Variants in AP3B1 observed in about 807,000 individuals in gnomAD.
AP3B1 encodes adaptor related protein complex 3 subunit beta 1, also known as AP-3 complex subunit beta-1.
A neutral mutation model predicts 132.5 loss-of-function variants in AP3B1; 61 were observed. The ratio of observed to expected loss-of-function variants is 0.46; its 90% CI spans 0.37 to 0.57. The LOEUF (loss-of-function observed/expected upper bound fraction) is 0.57, where lower values mean the gene tolerates loss of function less well. Among genes scored for constraint, AP3B1 ranks in the 20% least tolerant of loss-of-function variants. The probability of loss-of-function intolerance (pLI) is 0.00; values close to 1 mark genes in which losing one functional copy is unlikely to be tolerated. For missense variants in AP3B1, 1,120 were observed against 1,289.4 expected, an observed-to-expected ratio of 0.87 and a Z score of 2.01; for synonymous variants, 388 against 438.3, an observed-to-expected ratio of 0.89 and a Z score of 1.43.
intron 1 of AP3B1, among the ~76,000 whole-genome samples, chr5:78,277,464 T>TA (rs968774597): frequency 6.6e-6 from 1 of 151,786 alleles, no homozygotes; most frequent in Non-Finnish European, 1.5e-5. Context: ...AACAAAAACA[T>TA]AAAGAAAGAT....
At chr5:78,215,846 T>A (rs1436390129) in intron 7 of AP3B1, among the ~76,000 whole-genome samples, 1 of 152,216 alleles carries the variant, frequency 6.6e-6, no homozygotes, top group Non-Finnish European at 1.5e-5. Context: ...CTTACACCAA[T>A]AAATATGTAT....
intron 14 of AP3B1, among the ~76,000 whole-genome samples, chr5:78,150,901 T>C (rs72776445): frequency 0.18 from 27,370 of 152,008 alleles, 2,779 homozygotes; most frequent in Admixed American, 0.27. Context: ...GGTAAACATA[T>C]AATTTTATTT....
At chr5:78,065,029 T>C (rs1219807816) in intron 22 of AP3B1, among the ~76,000 whole-genome samples, 1 of 151,940 alleles carries the variant, frequency 6.6e-6, no homozygotes, top group Non-Finnish European at 1.5e-5. Flanking sequence ...GACTAGGTGG[T>C]TGGCACGACC....
chr5:78,158,185 A>G (rs569471844), intron 13 of AP3B1, among the ~76,000 whole-genome samples: 2 of 152,338 alleles, frequency 1.3e-5, no homozygotes, highest in African/African-American at 4.8e-5. Context: ...AAATTAACTA[A>G]TATTGACTGG....
intron 15 of AP3B1, among the ~76,000 whole-genome samples, chr5:78,139,799 A>G (rs1424785503): frequency 6.6e-6 from 1 of 152,112 alleles, no homozygotes; most frequent in Non-Finnish European, 1.5e-5. Flanking sequence ...AAAAGAGAGA[A>G]ACAAACAGGG....
At chr5:78,009,011 A>T (rs2112039537) in intron 26 of AP3B1, among the ~76,000 whole-genome samples, 1 of 152,344 alleles carries the variant, frequency 6.6e-6, no homozygotes, top group African/African-American at 2.4e-5. Context: ...TCTGTCACAA[A>T]GGTCTCCAAA....
chr5:78,068,248 C>T (rs768506404), intron 22 of AP3B1, among the ~76,000 whole-genome samples: 29 of 152,000 alleles, frequency 1.9e-4, no homozygotes, highest in African/African-American at 3.6e-4. Flanking sequence ...GCTTGAACCC[C>T]GGAGGTGGAG....
intron 21 of AP3B1, among the ~76,000 whole-genome samples, chr5:78,100,547 G>A (rs2112232556): frequency 6.6e-6 from 1 of 152,298 alleles, no homozygotes; most frequent in South Asian, 2.1e-4. Context: ...ATTGTGCCAA[G>A]TGGAAGATGG....
chr5:78,103,833 A>T (rs929762987), intron 20 of AP3B1, among the ~76,000 whole-genome samples: 1 of 152,144 alleles, frequency 6.6e-6, no homozygotes, highest in Non-Finnish European at 1.5e-5. Flanking sequence ...AATGTATTTC[A>T]CTTCAAATAA....
At chr5:78,206,966 A>G (rs1440738708) in intron 7 of AP3B1, among the ~76,000 whole-genome samples, 2 of 152,264 alleles carry the variant, frequency 1.3e-5, no homozygotes, top group East Asian at 1.9e-4. Flanking sequence ...TATAAAAAAT[A>G]CAAAAATTAG....
chr5:78,024,170 T>A (rs1162654535), intron 24 of AP3B1, among the ~76,000 whole-genome samples: 1 of 152,068 alleles, frequency 6.6e-6, no homozygotes, highest in Non-Finnish European at 1.5e-5. Context: ...ACAGTCACAT[T>A]AAGAGAAACA....
intron 26 of AP3B1, among the ~76,000 whole-genome samples, chr5:78,007,061 C>T (rs147684921): frequency 1.4e-3 from 219 of 152,252 alleles, no homozygotes; most frequent in Non-Finnish European, 1.9e-3. Flanking sequence ...CTATAATACA[C>T]AGATTTATTC....
chr5:78,240,007 A>T (rs568797224), intron 3 of AP3B1, among the ~76,000 whole-genome samples: 9 of 152,304 alleles, frequency 5.9e-5, no homozygotes, highest in African/African-American at 1.9e-4. Flanking sequence ...ATGCATGGAA[A>T]ATAAAATCAT....
chr5:78,236,194 C>A (rs1194076738), intron 3 of AP3B1, among the ~76,000 whole-genome samples: 1 of 152,150 alleles, frequency 6.6e-6, no homozygotes, highest in African/African-American at 2.4e-5. Flanking sequence ...TGGAAAAGTT[C>A]TCCTACTGAT....
intron 1 of AP3B1, among the ~76,000 whole-genome samples, chr5:78,287,867 G>A (rs550686330): frequency 6.6e-6 from 1 of 151,374 alleles, no homozygotes; most frequent in South Asian, 2.1e-4. Flanking sequence ...TAATAAACAA[G>A]ACAGATCAGT....
At chr5:78,100,582 C>T (rs1751085783) in intron 21 of AP3B1, among the ~76,000 whole-genome samples, 1 of 152,166 alleles carries the variant, frequency 6.6e-6, no homozygotes, top group South Asian at 2.1e-4. Context: ...TTTTTATTTA[C>T]ATTCCTTAAT....
chr5:78,267,060 T>G (rs772630204), intron 2 of AP3B1, among the ~76,000 whole-genome samples: 9 of 152,150 alleles, frequency 5.9e-5, no homozygotes, highest in Non-Finnish European at 1.5e-5. Context: ...TAATATTTAT[T>G]AGAAGTTCTA....
chr5:78,152,998 A>G (rs976787894), intron 14 of AP3B1, among the ~76,000 whole-genome samples: 2 of 152,188 alleles, frequency 1.3e-5, no homozygotes, highest in South Asian at 2.1e-4. Context: ...TGATAAAAAG[A>G]ATGTGTATTC....
intron 2 of AP3B1, among the ~76,000 whole-genome samples, chr5:78,243,560 A>ATAG (rs113273131): frequency 0.036 from 5,441 of 152,280 alleles, 167 homozygotes; most frequent in East Asian, 0.13. Flanking sequence ...ATAAACAATA[A>ATAG]TAGTGAGGTG....
Sources: allele counts gnomAD v4.1 joint callset (sites outside exome capture counted in the v4.1 genomes callset), GRCh38; gene constraint gnomAD v4.1.1; transcripts MANE v1.5; gene names NCBI Gene and HGNC (gene_info 2026-07-23, HGNC 2026-07-21).